Variants in PBX3 observed in about 807,000 individuals in gnomAD.
PBX3 encodes PBX homeobox 3, also known as pre-B-cell leukemia transcription factor 3.
Under a neutral mutation model 48.5 loss-of-function variants are expected in PBX3, and 14 were observed. The ratio of observed to expected loss-of-function variants is 0.29; its 90% CI spans 0.19 to 0.45. PBX3 has a LOEUF of 0.45. Ranked by LOEUF, PBX3 falls within the 20% of genes least tolerant of loss-of-function variation. The pLI, the probability that PBX3 is intolerant of heterozygous loss-of-function variation, is 1.00. For synonymous variants in PBX3, 210 were observed against 200.3 expected (o/e 1.05, Z -0.41); for missense variants, 386 against 546.7 (o/e 0.71, Z 2.93).
intron 2 of PBX3, among the ~76,000 whole-genome samples, chr9:125,847,366 A>G (rs1426281551): frequency 6.6e-6 from 1 of 152,020 alleles, no homozygotes; most frequent in Non-Finnish European, 1.5e-5. Flanking sequence ...GAAACAGTTG[A>G]AATGTCCAAC....
rs201919054 is a variant in PBX3, at chr9:125,777,029, A to C, written c.274+28406A>C. Among the ~76,000 whole-genome samples, 4 of 120,514 alleles carry C rather than the reference A, an allele frequency of 3.3e-5. No homozygotes were observed. The East Asian group carries it at 1.4e-3, about 41-fold the overall frequency. The allele number at this position is 120,514 out of a possible 152,430, so 79.1% of individuals were successfully genotyped here. ...TCTTTTCTTTTCTTTTTTTTTTTTG[A>C]GACGGAGTCTCTGTCACCAGGCTGG... is the stretch of plus-strand genomic sequence containing the variant. On this transcript the variant is annotated intron_variant, in intron 2 of 8. Coordinates refer to ENST00000373489, the MANE Select transcript of PBX3 (RefSeq NM_006195.6).
intron 2 of PBX3, among the ~76,000 whole-genome samples, chr9:125,855,128 A>G (rs952240340): frequency 6.6e-6 from 1 of 152,232 alleles, no homozygotes; most frequent in African/African-American, 2.4e-5. Context: ...CACTTCAGCC[A>G]TACTGCATTA....
At chr9:125,757,218 A>G (rs1836541929) in intron 2 of PBX3, among the ~76,000 whole-genome samples, 1 of 152,018 alleles carries the variant, frequency 6.6e-6, no homozygotes, top group Non-Finnish European at 1.5e-5. Context: ...ATGAGGAAGA[A>G]TTGACTTAGG....
At chr9:125,906,288 G>GA (rs1052295745) in intron 2 of PBX3, among the ~76,000 whole-genome samples, 4 of 151,930 alleles carry the variant, frequency 2.6e-5, no homozygotes, top group African/African-American at 9.7e-5. Flanking sequence ...GGAATGTACT[G>GA]AGAATGCCAA....
intron 5 of PBX3, among the ~76,000 whole-genome samples, chr9:125,953,011 G>A (rs942026105): frequency 6.6e-6 from 1 of 151,510 alleles, no homozygotes; most frequent in African/African-American, 2.4e-5. Flanking sequence ...AAGACTCATG[G>A]TGTATGAAAA....
rs1216482279 is a variant in PBX3, at chr9:125,953,789, G to A, written c.844-6895G>A. Among the ~76,000 whole-genome samples the A allele has an allele frequency of 3.9e-5, 6 of 152,092 alleles. No homozygotes were observed. In the East Asian group the frequency reaches 1.2e-3, roughly 29 times the overall value. On this transcript the variant is annotated intron_variant, in intron 5 of 8. Transcript: ENST00000373489. ...CAAAAAAAGTCTTTACGCATACCCAGTATGAGGGGTTCCCATGCTGTGCTC... is the reference window on the plus strand; with the variant it reads ...CAAAAAAAGTCTTTACGCATACCCAATATGAGGGGTTCCCATGCTGTGCTC...
At chr9:125,883,756 T>A (rs1020212675) in intron 2 of PBX3, among the ~76,000 whole-genome samples, 2 of 152,308 alleles carry the variant, frequency 1.3e-5, no homozygotes, top group South Asian at 2.1e-4. Context: ...AGAATAAAAA[T>A]GGAAACATAA....
At chr9:125,867,102 T>C (rs1243978186) in intron 2 of PBX3, among the ~76,000 whole-genome samples, 2 of 152,094 alleles carry the variant, frequency 1.3e-5, no homozygotes, top group African/African-American at 2.4e-5. Flanking sequence ...AATAATACCA[T>C]GAAGGGATTT....
At chr9:125,761,126 T>C (rs547839495) in intron 2 of PBX3, among the ~76,000 whole-genome samples, 1 of 152,160 alleles carries the variant, frequency 6.6e-6, no homozygotes, top group Non-Finnish European at 1.5e-5. Flanking sequence ...TTACCATTAA[T>C]GAAGTGCAAC....
intron 2 of PBX3, among the ~76,000 whole-genome samples, chr9:125,848,377 A>G (rs1839484418): frequency 6.6e-6 from 1 of 152,002 alleles, no homozygotes; most frequent in Non-Finnish European, 1.5e-5. Context: ...GTTTATTTTG[A>G]AAGTTGATCA....
At chr9:125,810,279 AT>A (rs989913632) in intron 2 of PBX3, among the ~76,000 whole-genome samples, 70 of 152,204 alleles carry the variant, frequency 4.6e-4, no homozygotes, top group African/African-American at 1.6e-3. Flanking sequence ...ATATTTTATA[AT>A]TCTCAAGGGG....
intron 2 of PBX3, among the ~76,000 whole-genome samples, chr9:125,877,877 A>G (rs960553745): frequency 1.3e-5 from 2 of 152,192 alleles, no homozygotes; most frequent in Admixed American, 1.3e-4. Flanking sequence ...AGATATGAGA[A>G]TTACTCTTAA....
At chr9:125,926,712 T>G (rs1382213930) in intron 3 of PBX3, among the ~76,000 whole-genome samples, 1 of 152,002 alleles carries the variant, frequency 6.6e-6, no homozygotes, top group African/African-American at 2.4e-5. Context: ...CCCAGCTACT[T>G]GGGAGGCTGA....
intron 4 of PBX3, 121 bp from the exon 5 acceptor site, chr9:125,935,351 A>C (rs1028545110): frequency 1.3e-6 from 1 of 784,710 alleles, no homozygotes; most frequent in Non-Finnish European, 2.0e-6. Context: ...ACAGAAATAA[A>C]TTAGACCTTA....
intron 3 of PBX3, among the ~76,000 whole-genome samples, chr9:125,927,269 G>C (rs567879574): frequency 5.9e-5 from 9 of 152,162 alleles, no homozygotes; most frequent in African/African-American, 2.2e-4. Flanking sequence ...GAAGAATCCC[G>C]TAAGTATAAT....
At chr9:125,821,163 A>C (rs1264626653) in intron 2 of PBX3, among the ~76,000 whole-genome samples, 1 of 152,140 alleles carries the variant, frequency 6.6e-6, no homozygotes, top group Non-Finnish European at 1.5e-5. Flanking sequence ...TTTCGTTACC[A>C]ATAAATGATA....
At position 125,966,116 on chromosome 9, in the gene PBX3, T is replaced by TA. The variant is rs35298105; in HGVS notation, c.*201dup. 246,514 of 387,836 alleles carry TA rather than the reference T, an allele frequency of 0.64. 79,446 individuals are homozygous for TA. The highest frequency in any genetic ancestry group is 0.76 in the East Asian group (18,187 of 24,084). The allele number at this position is 387,836 out of a possible 1,614,324, so 24.0% of individuals were successfully genotyped here. A position where few individuals can be genotyped will look rare whatever the true frequency, so the allele number is the denominator to read the frequency against. ...ATTTATACTTAAAAACACACAATGT[T>TA]AAAAAAAATAAAGCACTTTATCCAA... On this transcript the variant is annotated 3_prime_UTR_variant, in exon 9 of 9. Coordinates refer to ENST00000373489, the MANE Select transcript of PBX3 (RefSeq NM_006195.6).
intron 2 of PBX3, among the ~76,000 whole-genome samples, chr9:125,804,090 C>T (rs1838048341): frequency 6.6e-6 from 1 of 152,162 alleles, no homozygotes; most frequent in Non-Finnish European, 1.5e-5. Context: ...GTTTTCATGT[C>T]AGTAGCCTAC....
rs1564658051 is a variant in PBX3, at chr9:125,793,369, AT to A, written c.274+44747del. Among the ~76,000 whole-genome samples the A allele has an allele frequency of 5.3e-4, 53 of 100,386 alleles. 2 individuals are homozygous for A. The highest frequency in any genetic ancestry group is 2.2e-3 in the African/African-American group (49 of 22,358). 65.9% of individuals were successfully genotyped at this position (100,386 alleles called of 152,430 possible). A position where few individuals can be genotyped will look rare whatever the true frequency, so the allele number is the denominator to read the frequency against. ...TCCATTTGGGGGGGAAAAAAAAAAT[AT>A]ATATATATATATATATATATATTTA... On this transcript the variant is annotated intron_variant, in intron 2 of 8. Transcript: ENST00000373489.
Sources: gnomAD v4.1 joint callset for allele counts (sites outside exome capture counted in the v4.1 genomes callset) on GRCh38, gnomAD v4.1.1 for gene constraint, MANE v1.5 for transcripts, NCBI Gene and HGNC (gene_info 2026-07-23, HGNC 2026-07-21) for gene names.